IMMP2L: variants seen among roughly 807,000 people sequenced by gnomAD.
IMMP2L encodes mitochondrial inner membrane protease subunit 2.
In IMMP2L, 18 loss-of-function variants were observed where a neutral mutation model predicts 19.3. The observed-to-expected ratio is 0.93, with a 90% confidence interval of 0.64 to 1.38. IMMP2L has a LOEUF of 1.38. IMMP2L is among the 40% of genes most tolerant of loss of function. The pLI, the probability that IMMP2L is intolerant of heterozygous loss-of-function variation, is 0.00. For missense variants in IMMP2L, 233 were observed against 218.2 expected (o/e 1.07, Z -0.43); for synonymous variants, 76 against 73.0 (o/e 1.04, Z -0.21).
At chr7:110,732,543 T>C (rs1562943687) in intron 5 of IMMP2L, among the ~76,000 whole-genome samples, 1 of 152,172 alleles carries the variant, frequency 6.6e-6, no homozygotes, top group Non-Finnish European at 1.5e-5. Context: ...AGAAGTCTTT[T>C]CCTCTAGGCT....
intron 3 of IMMP2L, among the ~76,000 whole-genome samples, chr7:111,010,004 T>C (rs1824764367): frequency 6.6e-6 from 1 of 152,166 alleles, no homozygotes; most frequent in Admixed American, 6.6e-5. Context: ...CTAAACAACC[T>C]AGCCATCAGC....
chr7:111,424,288 G>C (rs1184262107), intron 3 of IMMP2L, among the ~76,000 whole-genome samples: 1 of 151,702 alleles, frequency 6.6e-6, no homozygotes, highest in Admixed American at 6.6e-5. Flanking sequence ...TAAGTAGCCA[G>C]GAAGGAAGGA....
At chr7:110,830,014 A>C (rs111453901) in intron 5 of IMMP2L, among the ~76,000 whole-genome samples, 11 of 152,144 alleles carry the variant, frequency 7.2e-5, no homozygotes, top group African/African-American at 2.4e-4. Flanking sequence ...GAGGATACCA[A>C]TGAGGGAACA....
At chr7:110,852,775 C>T (rs181943260) in intron 5 of IMMP2L, among the ~76,000 whole-genome samples, 2 of 152,088 alleles carry the variant, frequency 1.3e-5, no homozygotes, top group East Asian at 1.9e-4. Context: ...ATAGAAACCC[C>T]GGCCACATAG....
At chr7:111,268,330 A>G (rs1211178484) in intron 3 of IMMP2L, among the ~76,000 whole-genome samples, 1 of 151,946 alleles carries the variant, frequency 6.6e-6, no homozygotes, top group African/African-American at 2.4e-5. Flanking sequence ...TAGCAGAGAT[A>G]GAAAAGGGAG....
chr7:110,809,981 A>G (rs1801910144), intron 5 of IMMP2L, among the ~76,000 whole-genome samples: 1 of 152,092 alleles, frequency 6.6e-6, no homozygotes, highest in Non-Finnish European at 1.5e-5. Flanking sequence ...AACACGAAAG[A>G]CAAAGCACAC....
intron 3 of IMMP2L, among the ~76,000 whole-genome samples, chr7:111,032,156 A>T (rs185670048): frequency 6.6e-6 from 1 of 152,170 alleles, no homozygotes; most frequent in Non-Finnish European, 1.5e-5. Context: ...GCCTAGGCAG[A>T]TCTCAAACTT....
chr7:111,011,772 T>C (rs140536238), intron 3 of IMMP2L, among the ~76,000 whole-genome samples: 4 of 152,278 alleles, frequency 2.6e-5, no homozygotes, highest in Non-Finnish European at 4.4e-5. Context: ...CATTTACTTG[T>C]GTGATTTTGA....
At chr7:110,765,958 C>G (rs1798630359) in intron 5 of IMMP2L, among the ~76,000 whole-genome samples, 1 of 152,030 alleles carries the variant, frequency 6.6e-6, no homozygotes, top group Non-Finnish European at 1.5e-5. Context: ...TAAAAATATA[C>G]TTGATTTGCA....
chr7:110,947,983 C>T (rs185081225), intron 4 of IMMP2L, among the ~76,000 whole-genome samples: 22 of 152,154 alleles, frequency 1.4e-4, no homozygotes, highest in Non-Finnish European at 2.6e-4. Context: ...TTTCACTACA[C>T]AATTTACTCT....
intron 5 of IMMP2L, among the ~76,000 whole-genome samples, chr7:110,818,202 G>A (rs1054418877): frequency 1.5e-4 from 23 of 152,006 alleles, no homozygotes; most frequent in South Asian, 8.3e-4. Flanking sequence ...GAAAATTTTC[G>A]CAACCTACTC....
intron 3 of IMMP2L, among the ~76,000 whole-genome samples, chr7:111,174,420 G>A (rs191572599): frequency 2.6e-5 from 4 of 151,480 alleles, no homozygotes; most frequent in Admixed American, 1.3e-4. Flanking sequence ...ATATTTACAC[G>A]CCTTCTGCCT....
chr7:110,857,722 A>G (rs1020191933), intron 5 of IMMP2L, among the ~76,000 whole-genome samples: 8 of 152,172 alleles, frequency 5.3e-5, no homozygotes, highest in African/African-American at 1.7e-4. Context: ...AGGCTCCTCT[A>G]TATTTGGGTA....
At chr7:111,316,845 C>CTTTTTTTTTTTTTTTTTTTT (rs869155077) in intron 3 of IMMP2L, among the ~76,000 whole-genome samples, 1 of 75,896 alleles carries the variant, frequency 1.3e-5, no homozygotes, top group Non-Finnish European at 2.4e-5. Context: ...TTTTTTTTTT[C>CTTTTTTTTTTTTTTTTTTTT]TTTTTTTTTT....
At chr7:110,865,685 C>G (rs998821009) in intron 5 of IMMP2L, among the ~76,000 whole-genome samples, 3 of 151,882 alleles carry the variant, frequency 2.0e-5, no homozygotes, top group Non-Finnish European at 4.4e-5. Flanking sequence ...CCGATGAACC[C>G]CGAGAAAAGA....
chr7:111,549,195 CAAAAA>C lies in IMMP2L; in HGVS notation c.-3+12651_-3+12655del, dbSNP rs1849218466. Among the ~76,000 whole-genome samples, 4 of 152,146 alleles carry C rather than the reference CAAAAA, an allele frequency of 2.6e-5. No individual in the cohort carries two copies. In the South Asian group the frequency reaches 8.3e-4, roughly 32 times the overall value. On this transcript the variant is annotated intron_variant, in intron 1 of 5. Transcript: ENST00000405709. ...CCTTCTTTACTATTAATCTTCAAAA[CAAAAA>C]AATTTAAGTCTATGATAGTAACCAA...
chr7:111,146,460 A>T (rs1803487524), intron 3 of IMMP2L, among the ~76,000 whole-genome samples: 1 of 152,114 alleles, frequency 6.6e-6, no homozygotes, highest in Non-Finnish European at 1.5e-5. Context: ...AGAAATTGCC[A>T]CTAGAACCCA....
chr7:111,322,926 T>TAA (rs1407842971), intron 3 of IMMP2L, among the ~76,000 whole-genome samples: 3 of 151,694 alleles, frequency 2.0e-5, no homozygotes, highest in Non-Finnish European at 4.4e-5. Context: ...AATACTTACA[T>TAA]AATTTTTTTT....
chr7:111,222,883 C>T (rs1812668588), intron 3 of IMMP2L, among the ~76,000 whole-genome samples: 1 of 151,824 alleles, frequency 6.6e-6, no homozygotes, highest in Non-Finnish European at 1.5e-5. Flanking sequence ...TAACAATGTC[C>T]TGATATCGGT....
Sources: gnomAD v4.1 joint callset for allele counts (sites outside exome capture counted in the v4.1 genomes callset) on GRCh38, gnomAD v4.1.1 for gene constraint, MANE v1.5 for transcripts, NCBI Gene and HGNC (gene_info 2026-07-23, HGNC 2026-07-21) for gene names.